The following NAV2 variants were observed in gnomAD, a reference collection of about 807,000 sequenced individuals.
NAV2 encodes helicase, APC down-regulated 1.
Under a neutral mutation model 223.2 loss-of-function variants are expected in NAV2, and 54 were observed. The ratio of observed to expected loss-of-function variants is 0.24; its 90% CI spans 0.19 to 0.30. The LOEUF (loss-of-function observed/expected upper bound fraction) is 0.30. Among genes scored for constraint, NAV2 ranks in the 10% least tolerant of loss-of-function variants. The pLI is 1.00. For missense variants in NAV2, 2,806 were observed against 3,147.5 expected (o/e 0.89, Z 2.60); for synonymous variants, 1,279 against 1,239.3 (o/e 1.03, Z -0.67).
intron 11 of NAV2, among the ~76,000 whole-genome samples, chr11:20,006,675 C>CAAAT (rs112326547): frequency 0.053 from 7,919 of 150,780 alleles, 271 homozygotes; most frequent in Non-Finnish European, 0.064. Flanking sequence ...AACTCCATCT[C>CAAAT]AAATAAATAA....
At chr11:19,553,999 C>G (rs939518469) in intron 1 of NAV2, among the ~76,000 whole-genome samples, 1 of 152,240 alleles carries the variant, frequency 6.6e-6, no homozygotes, top group African/African-American at 2.4e-5. Context: ...TTCTGTTCCC[C>G]TAGCAATCAG....
At chr11:19,953,217 T>C (rs1303609697) in intron 10 of NAV2, among the ~76,000 whole-genome samples, 1 of 152,016 alleles carries the variant, frequency 6.6e-6, no homozygotes, top group Non-Finnish European at 1.5e-5. Flanking sequence ...GACAAAAAAA[T>C]GACCCTTTAA....
At chr11:19,967,853 G>A (rs1326354654) in intron 10 of NAV2, among the ~76,000 whole-genome samples, 17 of 152,210 alleles carry the variant, frequency 1.1e-4, no homozygotes, top group Admixed American at 1.1e-3. Context: ...TATAGACTGA[G>A]CAGACTGGGT....
At chr11:19,897,643 C>T (rs2042096727) in intron 6 of NAV2, among the ~76,000 whole-genome samples, 1 of 151,966 alleles carries the variant, frequency 6.6e-6, no homozygotes, top group Admixed American at 6.6e-5. Flanking sequence ...AAGGTGGTGA[C>T]CAAGTACACA....
At chr11:19,715,549 A>C (rs1355736904) in intron 1 of NAV2, among the ~76,000 whole-genome samples, 1 of 152,112 alleles carries the variant, frequency 6.6e-6, no homozygotes, top group African/African-American at 2.4e-5. Context: ...GGAGCACCCG[A>C]GGAATGAGAG....
At chr11:19,794,735 T>C (rs1252287668) in intron 1 of NAV2, among the ~76,000 whole-genome samples, 1 of 152,120 alleles carries the variant, frequency 6.6e-6, no homozygotes, top group Non-Finnish European at 1.5e-5. Flanking sequence ...TTTTATGGGA[T>C]GTCTAGAGAG....
At chr11:19,877,750 G>T (rs2062946000) in intron 4 of NAV2, among the ~76,000 whole-genome samples, 1 of 152,028 alleles carries the variant, frequency 6.6e-6, no homozygotes, top group Non-Finnish European at 1.5e-5. Context: ...GGGATTACAG[G>T]CGTGAGCCAC....
At chr11:19,626,389 G>A (rs536124345) in intron 1 of NAV2, among the ~76,000 whole-genome samples, 2 of 152,292 alleles carry the variant, frequency 1.3e-5, no homozygotes, top group Admixed American at 6.5e-5. Context: ...TGACCTATAT[G>A]TCTGTATTTA....
chr11:19,458,246 A>G (rs1852027878), intron 1 of NAV2, among the ~76,000 whole-genome samples: 1 of 152,194 alleles, frequency 6.6e-6, no homozygotes, highest in Non-Finnish European at 1.5e-5. Flanking sequence ...TGACAGCCAC[A>G]CTGTAGCAGG....
intron 1 of NAV2, among the ~76,000 whole-genome samples, chr11:19,366,230 T>A (rs1848274334): frequency 6.6e-6 from 1 of 152,026 alleles, no homozygotes. Flanking sequence ...GATGTCAGGG[T>A]GGCTCCTGGC....
In NAV2 at chr11:20,045,105, C is replaced by T. The variant is rs752654996; in HGVS notation, c.3337C>T (p.Pro1113Ser). Residue 1113 changes from proline (P) to serine (S), a missense_variant, in exon 14 of 38, where the codon CCT (proline) becomes TCT (serine). Physicochemically the swap from Pro to Ser is moderately conservative, Grantham distance 74. Around this residue, in one of 4 missense-constraint regions of NAV2, gnomAD observed 742 missense variants for 777.9 expected, o/e 0.95. Coordinates refer to ENST00000349880, the MANE Select transcript of NAV2 (RefSeq NM_145117.5). ...KKPLPSSSRTPTANANSFGFK... is the reference protein window; with the variant it reads ...KKPLPSSSRTSTANANSFGFK... ...GCCCCTCCCCAGCAGCTCTAGGACACCTACTGCCAATGCCAACAGCTTTGG... is the reference window on the plus strand; with the variant it reads ...GCCCCTCCCCAGCAGCTCTAGGACATCTACTGCCAATGCCAACAGCTTTGG... 17 of 1,614,068 alleles carry T rather than the reference C, an allele frequency of 1.1e-5. No individual in the cohort carries two copies. The highest frequency in any genetic ancestry group is 1.4e-5 in the Non-Finnish European group (16 of 1,180,032).
chr11:19,436,712 C>T (rs1405601163), intron 1 of NAV2, among the ~76,000 whole-genome samples: 3 of 152,088 alleles, frequency 2.0e-5, no homozygotes, highest in Non-Finnish European at 2.9e-5. Context: ...ACTTCATGAA[C>T]ATAGGTTAGA....
At chr11:20,046,943 T>C (rs4757026) in intron 14 of NAV2, among the ~76,000 whole-genome samples, 71,487 of 151,972 alleles carry the variant, frequency 0.47, 17,375 homozygotes, top group Non-Finnish European at 0.54. Flanking sequence ...TATATGCACA[T>C]GTACATATCT....
At position 20,092,194 on chromosome 11, in the gene NAV2, T is replaced by A; in HGVS notation, c.5653-12T>A. 4 of 1,612,468 alleles carry A rather than the reference T, an allele frequency of 2.5e-6. No individual in the cohort carries two copies. The highest frequency in any genetic ancestry group is 2.5e-6 in the Non-Finnish European group (3 of 1,178,586). ...CTGCCTACTAAGGGAGCTTCTCCAT[T>A]ACTCTTTGCAGAGTGAAATAGAGAA... On this transcript the variant is annotated splice_polypyrimidine_tract_variant and intron_variant, in intron 27 of 37. Coordinates refer to ENST00000349880, the MANE Select transcript of NAV2 (RefSeq NM_145117.5).
upstream of NAV2, among the ~76,000 whole-genome samples, chr11:19,346,737 C>T (rs958843680): frequency 3.3e-5 from 5 of 152,216 alleles, no homozygotes; most frequent in African/African-American, 4.8e-5. Flanking sequence ...GGCCGGCTCA[C>T]GGGCTCCCTT....
chr11:19,446,886 AG>A (rs1851604194), intron 1 of NAV2, among the ~76,000 whole-genome samples: 1 of 152,222 alleles, frequency 6.6e-6, no homozygotes, highest in Non-Finnish European at 1.5e-5. Flanking sequence ...GACCAGGGAA[AG>A]GGGAGCCAAG....
chr11:19,385,753 C>CTTTTTTTT lies in NAV2; in HGVS notation c.75+34745_75+34752dup, dbSNP rs201669772. 3.9e-3 allele frequency among the ~76,000 whole-genome samples: 435 copies of CTTTTTTTT among 112,648 alleles called. 61 individuals are homozygous for CTTTTTTTT. Among genetic ancestry groups the CTTTTTTTT allele is most frequent in the East Asian group, 0.022 (75 of 3,404 alleles). The allele number at this position is 112,648 out of a possible 152,430, so 73.9% of individuals were successfully genotyped here. A position where few individuals can be genotyped will look rare whatever the true frequency, so the allele number is the denominator to read the frequency against. On this transcript the variant is annotated intron_variant, in intron 1 of 37. Transcript: ENST00000360655. ...CTCAACTGCTTTTTCAATATAGCTCCTTTTTTTTTTTTTTTTTTTTTTTTT... is the reference window on the plus strand; with the variant it reads ...CTCAACTGCTTTTTCAATATAGCTCCTTTTTTTTTTTTTTTTTTTTTTTTTTTTTTTTT...
At chr11:19,536,136 A>T (rs1463901754) in intron 1 of NAV2, among the ~76,000 whole-genome samples, 1 of 152,176 alleles carries the variant, frequency 6.6e-6, no homozygotes, top group African/African-American at 2.4e-5. Flanking sequence ...CTTTACGTAC[A>T]TGGTCCCTGT....
At chr11:19,643,594 T>A (rs10741786) in intron 1 of NAV2, among the ~76,000 whole-genome samples, 122,183 of 152,078 alleles carry the variant, frequency 0.8, 52,390 homozygotes, top group Non-Finnish European at 0.94. Context: ...TTCCAAGTCT[T>A]TGTAATTGTG....
Sources: allele counts gnomAD v4.1 joint callset (sites outside exome capture counted in the v4.1 genomes callset), GRCh38; gene constraint gnomAD v4.1.1; regional missense constraint gnomAD v4.1.1; transcripts MANE v1.5; gene names NCBI Gene and HGNC (gene_info 2026-07-23, HGNC 2026-07-21).